The following MAGI2 variants were observed in gnomAD, a reference collection of about 807,000 sequenced individuals.
MAGI2 encodes the protein membrane-associated guanylate kinase, WW and PDZ domain-containing protein 2.
A neutral mutation model predicts 133.3 loss-of-function variants in MAGI2; 35 were observed. The observed-to-expected ratio is 0.26, with a 90% confidence interval of 0.20 to 0.35. The LOEUF (loss-of-function observed/expected upper bound fraction) is 0.35, where lower values mean the gene tolerates loss of function less well. Among genes scored for constraint, MAGI2 ranks in the 10% least tolerant of loss-of-function variants. The probability of loss-of-function intolerance (pLI) is 1.00; values close to 1 mark genes in which losing one functional copy is unlikely to be tolerated. For synonymous variants in MAGI2, 729 were observed against 710.6 expected, an observed-to-expected ratio of 1.03 and a Z score of -0.41; for missense variants, 1,636 against 1,863.4, an observed-to-expected ratio of 0.88 and a Z score of 2.25.
intron 1 of MAGI2, among the ~76,000 whole-genome samples, chr7:79,446,259 A>G (rs541310208): frequency 1.3e-5 from 2 of 152,320 alleles, no homozygotes; most frequent in African/African-American, 4.8e-5. Context: ...TAGCACATGT[A>G]TACATATGTA....
chr7:78,312,228 A>ATT (rs35857095), intron 9 of MAGI2, among the ~76,000 whole-genome samples: 7,157 of 151,914 alleles, frequency 0.047, 215 homozygotes, highest in Non-Finnish European at 0.069. Context: ...ATTTTGAAAC[A>ATT]TTTTTTTTCT....
chr7:78,338,256 C>T (rs564549839), intron 9 of MAGI2, among the ~76,000 whole-genome samples: 25 of 152,264 alleles, frequency 1.6e-4, no homozygotes, highest in East Asian at 3.9e-4. Context: ...ACGGTGGCGG[C>T]GTACCGCTTT....
intron 2 of MAGI2, among the ~76,000 whole-genome samples, chr7:78,825,416 C>T (rs1365598748): frequency 6.6e-6 from 1 of 152,062 alleles, no homozygotes; most frequent in Non-Finnish European, 1.5e-5. Flanking sequence ...ACCTCCTTTG[C>T]AATTCTAGGG....
intron 6 of MAGI2, among the ~76,000 whole-genome samples, chr7:78,386,150 C>T (rs1795370946): frequency 6.6e-6 from 1 of 152,040 alleles, no homozygotes; most frequent in African/African-American, 2.4e-5. Flanking sequence ...AATGTAATCT[C>T]TTCTTAATGG....
intron 2 of MAGI2, among the ~76,000 whole-genome samples, chr7:78,862,557 A>C (rs578047): frequency 6.6e-6 from 1 of 151,982 alleles, no homozygotes. Context: ...CCTCAACTGC[A>C]TCATTTCCAT....
intron 2 of MAGI2, among the ~76,000 whole-genome samples, chr7:78,774,843 T>C (rs1825859190): frequency 6.6e-6 from 1 of 152,118 alleles, no homozygotes; most frequent in East Asian, 1.9e-4. Context: ...CAGAACATGG[T>C]GACTAATTGA....
At chr7:78,096,868 TCAA>T (rs1479322504) in intron 20 of MAGI2, among the ~76,000 whole-genome samples, 2 of 151,964 alleles carry the variant, frequency 1.3e-5, no homozygotes, top group Non-Finnish European at 2.9e-5. Flanking sequence ...AAAGAAACTA[TCAA>T]CAGAGTAAAC....
chr7:79,125,092 C>T (rs924270210), intron 1 of MAGI2: 6 of 258,654 alleles, frequency 2.3e-5, no homozygotes, highest in Non-Finnish European at 3.8e-5. Context: ...AGAACATTAC[C>T]TAAGAGACTA....
chr7:78,602,494 C>T (rs1805312480), intron 3 of MAGI2, among the ~76,000 whole-genome samples: 1 of 151,296 alleles, frequency 6.6e-6, no homozygotes. Flanking sequence ...CAGAAGATTT[C>T]TTGTCTTGGA....
intron 2 of MAGI2, among the ~76,000 whole-genome samples, chr7:78,669,680 C>T (rs531974487): frequency 2.6e-5 from 4 of 152,214 alleles, no homozygotes; most frequent in East Asian, 3.9e-4. Flanking sequence ...CAATAAAATA[C>T]TGGCAAACCG....
intron 3 of MAGI2, among the ~76,000 whole-genome samples, chr7:78,557,344 T>A (rs1027552439): frequency 6.6e-6 from 1 of 152,136 alleles, no homozygotes; most frequent in African/African-American, 2.4e-5. Context: ...CAGTTAGCAT[T>A]GTTGTATTCT....
At chr7:79,077,526 G>C (rs1815587820) in intron 1 of MAGI2, among the ~76,000 whole-genome samples, 1 of 135,734 alleles carries the variant, frequency 7.4e-6, no homozygotes, top group Admixed American at 8.2e-5. Flanking sequence ...AGTGAGCCGA[G>C]ATTGTGCCAC....
rs138173094 is a variant in MAGI2 at position 78,899,989 on chromosome 7, C to T, written c.418+107101G>A. Among the ~76,000 whole-genome samples, 6 of 152,292 alleles carry T rather than the reference C, an allele frequency of 3.9e-5. No homozygotes were observed. The East Asian group carries it at 1.2e-3, about 29-fold the overall frequency. On this transcript the variant is annotated intron_variant, in intron 2 of 21. Coordinates refer to ENST00000354212, the MANE Select transcript of MAGI2 (RefSeq NM_012301.4). ...AAATTTTTATCACACTCAAGAAGGC[C>T]TCCTAAAAGTGGATGCATTCTGAGA...
intron 11 of MAGI2, among the ~76,000 whole-genome samples, chr7:78,199,327 G>A (rs1829023152): frequency 6.6e-6 from 1 of 152,216 alleles, no homozygotes. Context: ...ATTTCATACA[G>A]TGACTTGGTA....
intron 2 of MAGI2, among the ~76,000 whole-genome samples, chr7:78,646,473 T>A (rs904395866): frequency 1.3e-5 from 2 of 152,198 alleles, no homozygotes; most frequent in African/African-American, 4.8e-5. Context: ...AAATTTAGCA[T>A]GTTTTCTCTC....
chr7:79,390,123 T>C (rs982259595), intron 1 of MAGI2, among the ~76,000 whole-genome samples: 2 of 152,134 alleles, frequency 1.3e-5, no homozygotes, highest in Non-Finnish European at 2.9e-5. Flanking sequence ...ATAAATAAAT[T>C]AGGAGTTTCC....
chr7:78,806,768 T>C (rs921137843), intron 2 of MAGI2, among the ~76,000 whole-genome samples: 2 of 151,972 alleles, frequency 1.3e-5, no homozygotes, highest in Middle Eastern at 3.4e-3. Flanking sequence ...CTTGGGAGGC[T>C]GAGGCAGAAA....
At chr7:79,396,824 T>C (rs941383542) in intron 1 of MAGI2, among the ~76,000 whole-genome samples, 25 of 152,168 alleles carry the variant, frequency 1.6e-4, no homozygotes, top group Non-Finnish European at 3.1e-4. Flanking sequence ...GTGATTCATA[T>C]ACATTATACT....
intron 2 of MAGI2, among the ~76,000 whole-genome samples, chr7:78,755,201 CAAG>C (rs1479644887): frequency 6.6e-6 from 1 of 152,058 alleles, no homozygotes; most frequent in African/African-American, 2.4e-5. Context: ...ATCCTGAGCT[CAAG>C]AATAACTTTT....
Sources: gnomAD v4.1 joint callset for allele counts (sites outside exome capture counted in the v4.1 genomes callset) on GRCh38, gnomAD v4.1.1 for gene constraint, MANE v1.5 for transcripts, NCBI Gene and HGNC (gene_info 2026-07-23, HGNC 2026-07-21) for gene names.